Variants in KCNK13 observed in about 807,000 individuals in gnomAD.
KCNK13 encodes potassium two pore domain channel subfamily K member 13.
Under a neutral mutation model 23.4 loss-of-function variants are expected in KCNK13, and 12 were observed. That is an observed-to-expected ratio of 0.51 (90% CI 0.33 to 0.83). KCNK13 has a LOEUF of 0.83. Among genes scored for constraint, KCNK13 ranks in the 40% least tolerant of loss-of-function variants. KCNK13 has a pLI of 0.02. For missense variants in KCNK13, 463 were observed against 556.3 expected (o/e 0.83, Z 1.69); for synonymous variants, 231 against 229.5 (o/e 1.01, Z -0.06).
chr14:90,152,216 A>C (rs1041809550), intron 1 of KCNK13, among the ~76,000 whole-genome samples: 3 of 152,192 alleles, frequency 2.0e-5, no homozygotes, highest in African/African-American at 7.2e-5. Context: ...TTCCCTGCAC[A>C]CATTCTCTTG....
chr14:90,184,280 A>C lies in KCNK13; in HGVS notation c.504A>C (p.Arg168=), dbSNP rs768933119. The C allele has an allele frequency of 1.9e-6, 3 of 1,614,212 alleles. No homozygotes were observed. The highest frequency in any genetic ancestry group is 2.2e-5 in the East Asian group (1 of 44,876). ...GCCACCAGCGGCAGCTCCGGAGACG[A>C]GGGGCCCTGCCCCAGGAGAGCCTGA... ...KSCHQRQLRR[R]GALPQESLKD... is the part of the protein sequence containing the mutation. Residue 168 remains arginine (R), a synonymous_variant, in exon 2 of 2, where the codon CGA becomes CGC. Coordinates refer to ENST00000282146, the MANE Select transcript of KCNK13 (RefSeq NM_022054.4). The surrounding 1 kb of genome is among the most constrained non-coding windows in gnomAD (Gnocchi z 5.6).
At chr14:90,129,256 T>C (rs1392898693) in intron 1 of KCNK13, among the ~76,000 whole-genome samples, 1 of 152,174 alleles carries the variant, frequency 6.6e-6, no homozygotes, top group Non-Finnish European at 1.5e-5. Flanking sequence ...CTTCTCCTGG[T>C]TTGGGGGCAC....
chr14:90,132,656 G>A (rs3861658), intron 1 of KCNK13, among the ~76,000 whole-genome samples: 2 of 152,068 alleles, frequency 1.3e-5, no homozygotes, highest in Non-Finnish European at 2.9e-5. Flanking sequence ...GCAAGATGGA[G>A]GAAATGAGGT....
chr14:90,169,009 C>T (rs1890335702), intron 1 of KCNK13, among the ~76,000 whole-genome samples: 1 of 152,164 alleles, frequency 6.6e-6, no homozygotes, highest in Non-Finnish European at 1.5e-5. Flanking sequence ...GAAGCCTCCC[C>T]AACCGTGTGG....
intron 1 of KCNK13, among the ~76,000 whole-genome samples, chr14:90,097,429 G>A (rs1345193195): frequency 6.6e-6 from 1 of 152,068 alleles, no homozygotes; most frequent in Non-Finnish European, 1.5e-5. Flanking sequence ...ACCAAAGCGA[G>A]AACTCACTCA....
rs1890535833 is a variant in KCNK13, at chr14:90,185,061, A to G, written c.*58A>G. ...GTAGAATGGAGGATGATTGCCGCCC[A>G]GGGGACGAGCTCAGCCCTGCGCCTT... On this transcript the variant is annotated 3_prime_UTR_variant, in exon 2 of 2. Transcript: ENST00000282146. 7.0e-7 allele frequency: 1 copy of G among 1,428,596 alleles called. No individual in the cohort carries two copies. The highest frequency in any genetic ancestry group is 9.3e-7 in the Non-Finnish European group (1 of 1,076,604). The allele number at this position is 1,428,596 out of a possible 1,614,324, so 88.5% of individuals were successfully genotyped here.
intron 1 of KCNK13, among the ~76,000 whole-genome samples, chr14:90,156,621 G>A (rs1157867717): frequency 4.6e-5 from 7 of 152,114 alleles, no homozygotes; most frequent in Admixed American, 2.0e-4. Context: ...AGGAACGGGG[G>A]CCAAAACAAG....
chr14:90,168,434 G>C (rs377196093), intron 1 of KCNK13, among the ~76,000 whole-genome samples: 4 of 152,070 alleles, frequency 2.6e-5, no homozygotes, highest in African/African-American at 9.6e-5. Flanking sequence ...TCCTTTGCTG[G>C]GTTTTGTTGG....
At position 90,095,819 on chromosome 14, in the gene KCNK13, C is replaced by T. The variant is rs77145419; in HGVS notation, c.334+33280C>T. On this transcript the variant is annotated intron_variant, in intron 1 of 1. Transcript: ENST00000282146. ...AGTCAGATCTCACAGGTCGAGGGCT[C>T]AGTCCCTAACCTGCCCCCCACCTTC... Among the ~76,000 whole-genome samples, 1,159 of 152,280 alleles carry T rather than the reference C, an allele frequency of 7.6e-3. 14 individuals are homozygous for T. The highest frequency in any genetic ancestry group is 0.02 in the Middle Eastern group (6 of 294).
chr14:90,161,179 T>C (rs985695729), intron 1 of KCNK13, among the ~76,000 whole-genome samples: 3 of 152,162 alleles, frequency 2.0e-5, no homozygotes, highest in Admixed American at 6.5e-5. Context: ...TCATGCTAAA[T>C]GGAAGAAGTC....
At chr14:90,165,000 C>T (rs898341667) in intron 1 of KCNK13, among the ~76,000 whole-genome samples, 2 of 152,176 alleles carry the variant, frequency 1.3e-5, no homozygotes, top group South Asian at 2.1e-4. Context: ...TACAGTTCCG[C>T]GTGGCTGAGG....
Position 90,062,265 on chromosome 14 carries a change from T to C in KCNK13, c.60T>C (p.Phe20=). 1 of 1,555,310 alleles carries C rather than the reference T, an allele frequency of 6.4e-7. No homozygotes were observed. The highest frequency in any genetic ancestry group is 8.6e-7 in the Non-Finnish European group (1 of 1,159,760). Reference sequence around the variant, plus strand: ...ACCTGAACGAGGACAACGCGCGCTTTCTGCTGCTGGCCGCGCTCATCGTGC... The same window carrying C: ...ACCTGAACGAGGACAACGCGCGCTTCCTGCTGCTGGCCGCGCTCATCGTGC... ...PGHLNEDNAR[F]LLLAALIVLY... The change falls in exon 1 of 2, where the codon TTT becomes TTC. Residue 20 remains phenylalanine, a synonymous_variant. Coordinates refer to ENST00000282146, the MANE Select transcript of KCNK13 (RefSeq NM_022054.4). This position sits in a 1 kb window ranked among gnomAD's most constrained non-coding sequence, Gnocchi z 4.5.
intron 1 of KCNK13, among the ~76,000 whole-genome samples, chr14:90,076,953 G>T (rs929679646): frequency 4.6e-5 from 7 of 152,080 alleles, no homozygotes; most frequent in African/African-American, 1.7e-4. Context: ...CCGAGTAGCT[G>T]GGACTACAGG....
chr14:90,183,226 A>G (rs1455701378), intron 1 of KCNK13, among the ~76,000 whole-genome samples: 2 of 152,230 alleles, frequency 1.3e-5, no homozygotes, highest in Non-Finnish European at 2.9e-5. Flanking sequence ...TAGTTTATCA[A>G]TGTATAGCAT....
intron 1 of KCNK13, among the ~76,000 whole-genome samples, chr14:90,124,811 A>G (rs909018366): frequency 6.6e-6 from 1 of 152,266 alleles, no homozygotes; most frequent in African/African-American, 2.4e-5. Flanking sequence ...TTGTTGCAGC[A>G]GCAATAGAAA....
chr14:90,133,334 ATC>A (rs1889896969), intron 1 of KCNK13, among the ~76,000 whole-genome samples: 1 of 152,160 alleles, frequency 6.6e-6, no homozygotes, highest in Admixed American at 6.5e-5. Flanking sequence ...CAACGGATAA[ATC>A]TCTAGAGACA....
At chr14:90,157,719 T>TTTTTTTTTC (rs35709966) in intron 1 of KCNK13, among the ~76,000 whole-genome samples, 2 of 98,592 alleles carry the variant, frequency 2.0e-5, no homozygotes, top group Admixed American at 9.5e-5. Context: ...TTTTTTTTTT[T>TTTTTTTTTC]CAGACAGAGT....
At chr14:90,137,705 A>C (rs78293127) in intron 1 of KCNK13, among the ~76,000 whole-genome samples, 2,890 of 152,302 alleles carry the variant, frequency 0.019, 103 homozygotes, top group African/African-American at 0.067. Flanking sequence ...GGAGGAAATA[A>C]ATGAGATGTA....
At chr14:90,083,503 A>G (rs76046530) in intron 1 of KCNK13, among the ~76,000 whole-genome samples, 442 of 152,354 alleles carry the variant, frequency 2.9e-3, no homozygotes, top group Non-Finnish European at 4.8e-3. Context: ...TCCACAACTC[A>G]CATGGAAATT....
Sources: allele counts gnomAD v4.1 joint callset (sites outside exome capture counted in the v4.1 genomes callset), GRCh38; gene constraint gnomAD v4.1.1; non-coding constraint Gnocchi (gnomAD v3.1); transcripts MANE v1.5; gene names NCBI Gene and HGNC (gene_info 2026-07-23, HGNC 2026-07-21).